Variants in TMPRSS13 observed in about 807,000 individuals in gnomAD.
TMPRSS13 encodes transmembrane serine protease 13.
In TMPRSS13, 50 loss-of-function variants were observed where a neutral mutation model predicts 68.4. The ratio of observed to expected loss-of-function variants is 0.73; its 90% CI spans 0.58 to 0.93. TMPRSS13 has a LOEUF of 0.93. Among genes scored for constraint, TMPRSS13 ranks in the 40% least tolerant of loss-of-function variants. TMPRSS13 has a pLI of 0.00. For synonymous variants in TMPRSS13, 267 were observed against 285.8 expected (o/e 0.93, Z 0.66); for missense variants, 615 against 729.2 (o/e 0.84, Z 1.80).
chr11:117,903,431 C>A (rs2186627), intron 12 of TMPRSS13: 68 of 1,536,156 alleles, frequency 4.4e-5, no homozygotes, highest in Admixed American at 5.9e-5. Context: ...GTAGGTCCAC[C>A]CTTTTTCAAC....
chr11:117,905,823 G>A (rs760870078), intron 9 of TMPRSS13, 87 bp from the exon 10 acceptor site: 17 of 951,986 alleles, frequency 1.8e-5, no homozygotes, highest in Non-Finnish European at 2.4e-5. Flanking sequence ...CACTCTGGGG[G>A]CAAGGAGGGG....
intron 1 of TMPRSS13, among the ~76,000 whole-genome samples, chr11:117,924,366 T>C (rs2057680926): frequency 6.6e-6 from 1 of 151,962 alleles, no homozygotes; most frequent in African/African-American, 2.4e-5. Context: ...GCTCTTCCCC[T>C]CTCTGTCCCT....
intron 12 of TMPRSS13, chr11:117,903,067 A>G: frequency 1.8e-6 from 2 of 1,106,452 alleles, no homozygotes; most frequent in Non-Finnish European, 2.2e-6. Flanking sequence ...TTATTACTTT[A>G]TACTCTTTTA....
At chr11:117,910,557 A>T in intron 7 of TMPRSS13, 150 bp downstream of exon 7, 1 of 680,302 alleles carries the variant, frequency 1.5e-6, no homozygotes. Context: ...GGTGCCTTAC[A>T]GGGACTCCAG....
chr11:117,904,114 G>A lies in TMPRSS13; in HGVS notation c.1382-13C>T, dbSNP rs3809040. Reference sequence around the variant, plus strand: ...GGGGATGTCTTGTCTTCAGTGAAGTGGGGTGGAGGAGACAGAGGATGGGAA... The same window carrying A: ...GGGGATGTCTTGTCTTCAGTGAAGTAGGGTGGAGGAGACAGAGGATGGGAA... On this transcript the variant is annotated splice_polypyrimidine_tract_variant and intron_variant, in intron 10 of 12. Coordinates refer to ENST00000524993, the MANE Select transcript of TMPRSS13 (RefSeq NM_001077263.3). The A allele has an allele frequency of 0.13, 209,621 of 1,612,290 alleles. 15,064 individuals are homozygous for A. The highest frequency in any genetic ancestry group is 0.26 in the African/African-American group (19,688 of 74,972).
At chr11:117,920,459 CT>C (rs960264979) in intron 1 of TMPRSS13, among the ~76,000 whole-genome samples, 58 of 152,244 alleles carry the variant, frequency 3.8e-4, no homozygotes, top group Admixed American at 7.8e-4. Flanking sequence ...CTGCCTCAGC[CT>C]CCCATGTAGC....
chr11:117,904,437 G>A (rs373383318), intron 10 of TMPRSS13, among the ~76,000 whole-genome samples: 6 of 152,304 alleles, frequency 3.9e-5, no homozygotes, highest in African/African-American at 1.2e-4. Flanking sequence ...GGCTTTGTTT[G>A]TTTTTGGAAG....
intron 6 of TMPRSS13, among the ~76,000 whole-genome samples, chr11:117,911,515 A>G (rs548783407): frequency 1.2e-4 from 18 of 152,284 alleles, no homozygotes; most frequent in African/African-American, 4.3e-4. Flanking sequence ...ATTGCCTCTG[A>G]CGACCTGATA....
At chr11:117,905,602 AAT>A (rs1369715239) in intron 10 of TMPRSS13, 34 bp downstream of exon 10, 1 of 1,527,776 alleles carries the variant, frequency 6.5e-7, no homozygotes, top group Admixed American at 1.9e-5. Context: ...CATGCACATG[AAT>A]ACATACACAC....
At chr11:117,928,454 CTA>C (rs2057728589) in intron 1 of TMPRSS13, among the ~76,000 whole-genome samples, 3 of 152,222 alleles carry the variant, frequency 2.0e-5, no homozygotes, top group Non-Finnish European at 4.4e-5. Context: ...AAACCCAGTG[CTA>C]GCCCATTCTT....
At chr11:117,910,891 T>A (rs2057516430) in intron 6 of TMPRSS13, 141 bp from the exon 7 acceptor site, 1 of 740,100 alleles carries the variant, frequency 1.4e-6, no homozygotes, top group African/African-American at 1.8e-5. Flanking sequence ...ATTCTGAGCT[T>A]CCCCTTTCCC....
rs772678316 is a variant in TMPRSS13 at position 117,914,369 on chromosome 11, TC to T, written c.679+22del. The T allele has an allele frequency of 5.6e-6, 9 of 1,611,342 alleles. No homozygotes were observed. The South Asian group carries it at 7.7e-5, about 14-fold the overall frequency. On this transcript the variant is annotated intron_variant, in intron 4 of 12. Transcript: ENST00000524993. This position sits in a 1 kb window ranked among gnomAD's most constrained non-coding sequence, Gnocchi z 4.2. ...CACATGCACATGCACACGCACGCGC[TC>T]CCCCGCACCCAGCCTCCTTACCGCA... is the stretch of plus-strand genomic sequence containing the variant.
chr11:117,910,204 A>T (rs2298464), intron 7 of TMPRSS13, among the ~76,000 whole-genome samples: 2 of 152,034 alleles, frequency 1.3e-5, no homozygotes, highest in African/African-American at 4.8e-5. Flanking sequence ...CATTCCGCGG[A>T]AAGTTTGACC....
chr11:117,906,644 C>T (rs2057467306), intron 9 of TMPRSS13, among the ~76,000 whole-genome samples: 1 of 152,150 alleles, frequency 6.6e-6, no homozygotes, highest in African/African-American at 2.4e-5. Context: ...GTGTCTACCT[C>T]ACTTTTGTCT....
intron 9 of TMPRSS13, chr11:117,907,855 G>C: frequency 1.0e-6 from 1 of 984,830 alleles, no homozygotes; most frequent in Non-Finnish European, 1.2e-6. Context: ...TGGCCATATA[G>C]TATTTGATAA....
intron 6 of TMPRSS13, 58 bp downstream of exon 6, chr11:117,911,710 C>A: frequency 6.9e-7 from 1 of 1,453,346 alleles, no homozygotes; most frequent in South Asian, 1.2e-5. Flanking sequence ...CTCAAAGACC[C>A]TCTCCTACCC....
chr11:117,907,048 G>A (rs948223762), intron 9 of TMPRSS13, among the ~76,000 whole-genome samples: 5 of 151,848 alleles, frequency 3.3e-5, no homozygotes, highest in Non-Finnish European at 7.4e-5. Context: ...AAAAGCATAC[G>A]CAATGTGAGA....
In TMPRSS13 at chr11:117,914,204, TACATGCAC is replaced by T. The variant is rs1460280715; in HGVS notation, c.679+180_679+187del. On this transcript the variant is annotated intron_variant, in intron 4 of 12. Transcript: ENST00000524993. This position sits in a 1 kb window ranked among gnomAD's most constrained non-coding sequence, Gnocchi z 4.2. ...AGGGAATCATTGGGTCTGGATTACA[TACATGCAC>T]ACATGCACACACACATACGTGCACA... Among the ~76,000 whole-genome samples, 1 of 152,154 alleles carries T rather than the reference TACATGCAC, an allele frequency of 6.6e-6. No homozygotes were observed. Among genetic ancestry groups the T allele is most frequent in the Non-Finnish European group, 1.5e-5 (1 of 67,990 alleles).
intron 1 of TMPRSS13, among the ~76,000 whole-genome samples, chr11:117,926,793 T>C (rs1327491548): frequency 1.3e-5 from 2 of 152,124 alleles, no homozygotes; most frequent in Non-Finnish European, 2.9e-5. Flanking sequence ...TAGAAGAAGA[T>C]GTTTGTCCAA....
Sources: gnomAD v4.1 joint callset for allele counts (sites outside exome capture counted in the v4.1 genomes callset) on GRCh38, gnomAD v4.1.1 for gene constraint, Gnocchi (gnomAD v3.1) non-coding constraint, MANE v1.5 for transcripts, NCBI Gene and HGNC (gene_info 2026-07-23, HGNC 2026-07-21) for gene names.